TRPC4AP: variants seen among roughly 807,000 people sequenced by gnomAD.
TRPC4AP encodes transient receptor potential cation channel subfamily C member 4 associated protein.
TRPC4AP carries 45 observed loss-of-function variants against 99.0 expected under a neutral mutation model. The ratio of observed to expected loss-of-function variants is 0.45; its 90% CI spans 0.36 to 0.58. The LOEUF is 0.58. Among genes scored for constraint, TRPC4AP ranks in the 20% least tolerant of loss-of-function variants. The probability of loss-of-function intolerance (pLI) is 0.00; values close to 1 mark genes in which losing one functional copy is unlikely to be tolerated. For synonymous variants in TRPC4AP, 408 were observed against 385.8 expected (o/e 1.06, Z -0.67); for missense variants, 879 against 985.3 (o/e 0.89, Z 1.44).
intron 3 of TRPC4AP, among the ~76,000 whole-genome samples, chr20:35,067,217 G>A (rs1012717922): frequency 6.6e-6 from 1 of 152,234 alleles, no homozygotes; most frequent in Non-Finnish European, 1.5e-5. Context: ...TGGAGCGGGG[G>A]CTCATGCTTG....
chr20:35,073,011 T>C (rs1260290313), intron 2 of TRPC4AP, among the ~76,000 whole-genome samples: 3 of 152,204 alleles, frequency 2.0e-5, no homozygotes, highest in Non-Finnish European at 4.4e-5. Context: ...CCCTTGTGAG[T>C]TGGATTCCTA....
intron 3 of TRPC4AP, among the ~76,000 whole-genome samples, chr20:35,067,222 T>C (rs2084167468): frequency 6.6e-6 from 1 of 152,248 alleles, no homozygotes; most frequent in Admixed American, 6.5e-5. Flanking sequence ...CGGGGGCTCA[T>C]GCTTGTAATC....
chr20:35,078,361 T>A (rs911561544), intron 1 of TRPC4AP, among the ~76,000 whole-genome samples, 187 bp from the exon 2 acceptor site: 3 of 152,144 alleles, frequency 2.0e-5, no homozygotes, highest in African/African-American at 7.2e-5. Context: ...TATGTTATAA[T>A]AAGAAGGAGG....
In TRPC4AP at chr20:35,005,778, T is replaced by G. The variant is rs764571900; in HGVS notation, c.1853A>C (p.Asn618Thr). 1 of 1,614,198 alleles carries G rather than the reference T, an allele frequency of 6.2e-7. No individual in the cohort carries two copies. The highest frequency in any genetic ancestry group is 8.5e-7 in the Non-Finnish European group (1 of 1,180,002). The change falls in exon 16 of 19, where the codon AAC becomes ACC. Residue 618 changes from asparagine to threonine, a missense_variant. Transcript: ENST00000252015. ...AKFQVFLKQINSSLVDSNMLV... is the reference protein window; with the variant it reads ...AKFQVFLKQITSSLVDSNMLV... ...CATGTTGGAGTCCACCAGGGAGCTGTTGATCTGCTTCAGGAATACCTGGAA... is the reference window on the plus strand; with the variant it reads ...CATGTTGGAGTCCACCAGGGAGCTGGTGATCTGCTTCAGGAATACCTGGAA...
intron 5 of TRPC4AP, among the ~76,000 whole-genome samples, chr20:35,051,518 T>C (rs983172822): frequency 6.6e-6 from 1 of 151,322 alleles, no homozygotes; most frequent in Non-Finnish European, 1.5e-5. Context: ...GTGCCACGTA[T>C]ATAAATCTTT....
chr20:35,045,983 T>C (rs1034215030), intron 6 of TRPC4AP, among the ~76,000 whole-genome samples: 1 of 152,202 alleles, frequency 6.6e-6, no homozygotes, highest in Admixed American at 6.5e-5. Flanking sequence ...CTTCTTTTAA[T>C]ACATATTTAG....
At chr20:35,057,619 C>G in intron 3 of TRPC4AP, 48 bp from the exon 4 acceptor site, 1 of 1,479,130 alleles carries the variant, frequency 6.8e-7, no homozygotes, top group Non-Finnish European at 9.4e-7. Flanking sequence ...CAAAGTATAA[C>G]TTATAAAATG....
intron 11 of TRPC4AP, among the ~76,000 whole-genome samples, chr20:35,011,991 C>G (rs1002229689): frequency 6.6e-6 from 1 of 152,250 alleles, no homozygotes; most frequent in African/African-American, 2.4e-5. Flanking sequence ...CTCTGCCCTT[C>G]ATGAGAGCAG....
At chr20:35,008,243 G>C (rs547779098) in intron 13 of TRPC4AP, among the ~76,000 whole-genome samples, 1 of 152,168 alleles carries the variant, frequency 6.6e-6, no homozygotes, top group Admixed American at 6.5e-5. Context: ...ATGTATCTAA[G>C]GACCTCAGAG....
intron 9 of TRPC4AP, 48 bp downstream of exon 9, chr20:35,021,142 C>CG: frequency 6.3e-7 from 1 of 1,584,934 alleles, no homozygotes; most frequent in African/African-American, 1.3e-5. Context: ...CATGAGCACC[C>CG]GGGCAGCACC....
chr20:35,040,432 C>G (rs956679878), intron 7 of TRPC4AP, among the ~76,000 whole-genome samples: 1 of 152,124 alleles, frequency 6.6e-6, no homozygotes, highest in Non-Finnish European at 1.5e-5. Context: ...TCTTGGATAT[C>G]AGACTCCAGG....
chr20:35,034,561 G>A (rs533248727), intron 8 of TRPC4AP, among the ~76,000 whole-genome samples: 1 of 152,140 alleles, frequency 6.6e-6, no homozygotes, highest in East Asian at 1.9e-4. Context: ...CACTCCCAAT[G>A]AGAAACCTAT....
rs966653177 is a variant in TRPC4AP at position 35,025,439 on chromosome 20, T to C, written c.1052-4083A>G. Among the ~76,000 whole-genome samples the C allele has an allele frequency of 6.6e-5, 10 of 152,270 alleles. No individual in the cohort carries two copies. In the East Asian group the frequency reaches 7.7e-4, roughly 12 times the overall value. ...CCTCCTGCCTTGGCCTCCCAAAGTA[T>C]TGGGATTACAGGTGCCAGCCACTGT... is the stretch of plus-strand genomic sequence containing the variant. On this transcript the variant is annotated intron_variant, in intron 8 of 18. Transcript: ENST00000252015.
At position 35,086,457 on chromosome 20, in the gene TRPC4AP, GTGTGTGTGTGTGTGTGTGTA is replaced by G. The variant is rs1338337536; in HGVS notation, c.168+6137_168+6156del. Among the ~76,000 whole-genome samples the G allele has an allele frequency of 1.1e-3, 92 of 82,928 alleles. 3 individuals carry two copies. Among genetic ancestry groups the G allele is most frequent in the Middle Eastern group, 6.5e-3 (1 of 154 alleles). The allele number at this position is 82,928 out of a possible 152,430, so 54.4% of individuals were successfully genotyped here. A position where few individuals can be genotyped will look rare whatever the true frequency, so the allele number is the denominator to read the frequency against. ...TGTGTGTGTGTGTGTGTGTGTGTGT[GTGTGTGTGTGTGTGTGTGTA>G]TGTGTGTGTATATATATATGTGTAT... On this transcript the variant is annotated intron_variant, in intron 1 of 18. Transcript: ENST00000252015.
At chr20:35,024,854 A>AAAAAAAAAAAAAAAAAAAAAAAAACAT (rs1479270980) in intron 8 of TRPC4AP, among the ~76,000 whole-genome samples, 1 of 89,480 alleles carries the variant, frequency 1.1e-5, no homozygotes, top group African/African-American at 3.9e-5. Flanking sequence ...AAAAAAAAAA[A>AAAAAAAAAAAAAAAAAAAAAAAAACAT]ATTCTGTTTA....
At chr20:35,025,956 T>C (rs529484451) in intron 8 of TRPC4AP, among the ~76,000 whole-genome samples, 4 of 152,266 alleles carry the variant, frequency 2.6e-5, no homozygotes, top group Admixed American at 2.6e-4. Flanking sequence ...GTATATGACA[T>C]AAGGCAGGGG....
At chr20:35,086,076 G>T (rs1281721743) in intron 1 of TRPC4AP, among the ~76,000 whole-genome samples, 1 of 128,430 alleles carries the variant, frequency 7.8e-6, no homozygotes. Context: ...CACCACCACT[G>T]CCACCAAGTA....
intron 8 of TRPC4AP, among the ~76,000 whole-genome samples, chr20:35,032,431 C>G (rs988068873): frequency 6.6e-6 from 1 of 150,666 alleles, no homozygotes; most frequent in African/African-American, 2.4e-5. Flanking sequence ...ATCAAATAGT[C>G]CTTTACTTCT....
chr20:35,052,353 C>T (rs2083725159), intron 5 of TRPC4AP, among the ~76,000 whole-genome samples: 1 of 152,040 alleles, frequency 6.6e-6, no homozygotes, highest in Non-Finnish European at 1.5e-5. Flanking sequence ...CTCGGCCTAT[C>T]AAAGTGTTGA....
Sources: gnomAD v4.1 joint callset for allele counts (sites outside exome capture counted in the v4.1 genomes callset) on GRCh38, gnomAD v4.1.1 for gene constraint, MANE v1.5 for transcripts, NCBI Gene and HGNC (gene_info 2026-07-23, HGNC 2026-07-21) for gene names.